GRAP: variants seen among roughly 807,000 people sequenced by gnomAD.
The protein encoded by GRAP is GRB2-related adapter protein.
Under a neutral mutation model 9.1 loss-of-function variants are expected in GRAP, and 2 were observed. The observed-to-expected ratio is 0.22, with a 90% CI of 0.09 to 0.69. The LOEUF is 0.69. Among genes scored for constraint, GRAP ranks in the 30% least tolerant of loss-of-function variants. The probability of loss-of-function intolerance (pLI) is 0.81; values close to 1 mark genes in which losing one functional copy is unlikely to be tolerated. For missense variants in GRAP, 113 were observed against 179.4 expected (o/e 0.63, Z 2.12); for synonymous variants, 68 against 73.6 (o/e 0.92, Z 0.39).
rs1378466915 is a variant in GRAP, at chr17:19,024,451, C to G, written c.300-68G>C. ...CAGCCTGGCATGGTCCCAGGGGCTC[C>G]CGTCTCACTACCACCTGGAACCAGC... is the stretch of plus-strand genomic sequence containing the variant. On this transcript the variant is annotated intron_variant, in intron 3 of 4. Transcript: ENST00000284154. The surrounding 1 kb of genome is among the most constrained non-coding windows in gnomAD (Gnocchi z 4.2). 2 of 1,550,000 alleles carry G rather than the reference C, an allele frequency of 1.3e-6. No homozygotes were observed. Among genetic ancestry groups the G allele is most frequent in the Non-Finnish European group, 8.7e-7 (1 of 1,145,776 alleles).
At chr17:19,022,410 A>G (rs2044279038) in intron 4 of GRAP, 1 of 373,204 alleles carries the variant, frequency 2.7e-6, no homozygotes, top group Non-Finnish European at 4.8e-6. Context: ...CTGGTGGGTC[A>G]GGGGACCTGA....
intron 4 of GRAP, chr17:19,022,645 G>A (rs2152169249): frequency 6.5e-6 from 1 of 153,438 alleles, no homozygotes; most frequent in East Asian, 1.9e-4. Context: ...TCAGGCCTGG[G>A]CTCCACTCCT....
chr17:19,023,631 ACCCCCCACCCCCC>A (rs1597925243), intron 4 of GRAP, among the ~76,000 whole-genome samples: 4 of 61,838 alleles, frequency 6.5e-5, no homozygotes, highest in South Asian at 1.3e-3. Context: ...GATGACCCCG[ACCCCCCACCCCCC>A]ACCCCCCACC....
rs143281137 is a variant in GRAP at position 19,024,235 on chromosome 17, C to T, written c.448G>A (p.Asp150Asn). ...CCTACCTTGAGCAAGGGCTCCTCGT[C>T]GCGCAGGAAGATCTGCCGCTTCTTG... is the stretch of plus-strand genomic sequence containing the variant. ...IAKKRQIFLR[D>N]EEPLLKSPGA... Residue 150 changes from aspartate (D) to asparagine (N), a missense_variant, in exon 4 of 5, where the codon GAC becomes AAC. Coordinates refer to ENST00000284154, the MANE Select transcript of GRAP (RefSeq NM_006613.4). The surrounding 1 kb of genome is among the most constrained non-coding windows in gnomAD (Gnocchi z 4.2). 5.0e-6 allele frequency: 8 copies of T among 1,594,644 alleles called. No homozygotes were observed. Among genetic ancestry groups the T allele is most frequent in the African/African-American group, 2.7e-5 (2 of 74,546 alleles).
At chr17:19,025,170 G>C (rs991171620) in intron 3 of GRAP, among the ~76,000 whole-genome samples, 5 of 150,532 alleles carry the variant, frequency 3.3e-5, no homozygotes, top group Middle Eastern at 3.2e-3. Flanking sequence ...GAGAGAGCCT[G>C]CTCTTTCTTT....
chr17:19,023,535 T>C (rs989533630), intron 4 of GRAP, among the ~76,000 whole-genome samples: 5 of 152,064 alleles, frequency 3.3e-5, no homozygotes, highest in African/African-American at 1.2e-4. Context: ...ATTGTTGGCA[T>C]CCCAATCAGC....
intron 3 of GRAP, chr17:19,032,087 G>A (rs2044342756): frequency 6.9e-6 from 1 of 145,582 alleles, no homozygotes; most frequent in Non-Finnish European, 1.6e-5. Flanking sequence ...ACCGGTGCTG[G>A]CTCGCCTGCT....
Position 19,024,352 on chromosome 17 carries a change from G to A in GRAP, c.331C>T (p.Leu111=), listed in dbSNP as rs746961506. 2.5e-6 allele frequency: 4 copies of A among 1,612,184 alleles called. No individual in the cohort carries two copies. The Admixed American group carries it at 6.7e-5, about 27-fold the overall frequency. Residue 111 remains leucine, a synonymous_variant, in exon 4 of 5, where the codon CTG becomes TTG. Transcript: ENST00000284154. This position sits in a 1 kb window ranked among gnomAD's most constrained non-coding sequence, Gnocchi z 4.2. The part of the protein sequence containing the change: ...YGDQVQHFKV[L]REASGKYFLW... ...AAGTACTTCCCCGAGGCCTCACGCA[G>A]CACCTTGAAGTGCTGCACCTGGTCT...
intron 4 of GRAP, among the ~76,000 whole-genome samples, chr17:19,023,634 C>T (rs2044290216): frequency 8.0e-6 from 1 of 125,072 alleles, no homozygotes; most frequent in East Asian, 3.0e-4. Context: ...GACCCCGACC[C>T]CCCACCCCCC....
intron 3 of GRAP, among the ~76,000 whole-genome samples, chr17:19,027,490 A>G (rs1316844338): frequency 7.0e-6 from 1 of 142,170 alleles, no homozygotes; most frequent in East Asian, 2.3e-4. Flanking sequence ...GCGCGCACAC[A>G]CACACACACA....
At position 19,024,397 on chromosome 17, in the gene GRAP, C is replaced by G. The variant is rs1413978426; in HGVS notation, c.300-14G>C. ...TGGTCTCCATAGCTAGGGGAAAGGA[C>G]CCGGGGCCACCTCAGGTGGTGGCCG... On this transcript the variant is annotated splice_polypyrimidine_tract_variant and intron_variant, in intron 3 of 4. Transcript: ENST00000284154. This position sits in a 1 kb window ranked among gnomAD's most constrained non-coding sequence, Gnocchi z 4.2. The G allele has an allele frequency of 6.2e-6, 10 of 1,606,968 alleles. No individual in the cohort carries two copies. The highest frequency in any genetic ancestry group is 8.5e-6 in the Non-Finnish European group (10 of 1,176,906).
At position 19,024,190 on chromosome 17, in the gene GRAP, C is replaced by A. The variant is rs753186814; in HGVS notation, c.468+25G>T. Reference sequence around the variant, plus strand: ...GGCAGGAGGTGCAGAGAGGCTCCCACAGGCCAGCCCCCACCCGCCCCTACC... The same window carrying A: ...GGCAGGAGGTGCAGAGAGGCTCCCAAAGGCCAGCCCCCACCCGCCCCTACC... On this transcript the variant is annotated intron_variant, in intron 4 of 4. Transcript: ENST00000284154. This position sits in a 1 kb window ranked among gnomAD's most constrained non-coding sequence, Gnocchi z 4.2. 6.4e-7 allele frequency: 1 copy of A among 1,562,004 alleles called. No individual in the cohort carries two copies. The highest frequency in any genetic ancestry group is 1.4e-5 in the African/African-American group (1 of 73,478).
In GRAP at chr17:19,021,663, A is replaced by C. The variant is rs2044266248; in HGVS notation, c.*296T>G. ...ACCTTCCTGGCAGATGGGGCCATTG[A>C]CAAGAGGAGGTGGGCGGGGCCTCCA... On this transcript the variant is annotated 3_prime_UTR_variant, in exon 5 of 5. Coordinates refer to ENST00000284154, the MANE Select transcript of GRAP (RefSeq NM_006613.4). The surrounding 1 kb of genome is among the most constrained non-coding windows in gnomAD (Gnocchi z 4.1). The C allele has an allele frequency of 2.5e-6, 1 of 397,596 alleles. No homozygotes were observed. The highest frequency in any genetic ancestry group is 1.4e-4 in the South Asian group (1 of 7,208). 24.6% of individuals were successfully genotyped at this position (397,596 alleles called of 1,614,324 possible).
At chr17:19,027,476 G>A (rs79973350) in intron 3 of GRAP, among the ~76,000 whole-genome samples, 2,380 of 79,892 alleles carry the variant, frequency 0.03, 77 homozygotes, top group Middle Eastern at 0.18. Context: ...ACATGCGCGC[G>A]CGCGCGCGCA....
intron 4 of GRAP, among the ~76,000 whole-genome samples, chr17:19,023,645 AC>A (rs2044290523): frequency 5.4e-5 from 1 of 18,476 alleles, no homozygotes; most frequent in Non-Finnish European, 1.1e-4. Context: ...CCCACCCCCC[AC>A]CCCCCACCCC....
chr17:19,021,834 C>T lies in GRAP; in HGVS notation c.*125G>A, dbSNP rs1041373889. 8 of 1,000,526 alleles carry T rather than the reference C, an allele frequency of 8.0e-6. No homozygotes were observed. The highest frequency in any genetic ancestry group is 1.1e-5 in the Non-Finnish European group (8 of 753,308). The allele number at this position is 1,000,526 out of a possible 1,614,324, so 62.0% of individuals were successfully genotyped here. The stretch of plus-strand genomic sequence containing the variant: ...AGAGCGGCCGGAGGCAGTTAGGAGC[C>T]CACGTTCAGTCCAAGGCCGTCCACT... On this transcript the variant is annotated 3_prime_UTR_variant, in exon 5 of 5. Coordinates refer to ENST00000284154, the MANE Select transcript of GRAP (RefSeq NM_006613.4). This position sits in a 1 kb window ranked among gnomAD's most constrained non-coding sequence, Gnocchi z 4.1.
chr17:19,030,361 G>T (rs2044331438), intron 3 of GRAP: 4 of 191,390 alleles, frequency 2.1e-5, no homozygotes, highest in Non-Finnish European at 4.0e-5. Flanking sequence ...AGGGCTTGTG[G>T]ACGTGTGGAC....
chr17:19,027,484 G>GCGCGCGCACACGCA (rs1555583245), intron 3 of GRAP, among the ~76,000 whole-genome samples: 1 of 121,114 alleles, frequency 8.3e-6, no homozygotes, highest in African/African-American at 3.1e-5. Flanking sequence ...GCGCGCGCGC[G>GCGCGCGCACACGCA]CACACACACA....
At chr17:19,025,199 T>C (rs1208188679) in intron 3 of GRAP, among the ~76,000 whole-genome samples, 2 of 147,084 alleles carry the variant, frequency 1.4e-5, no homozygotes, top group South Asian at 2.1e-4. Flanking sequence ...CTTTTCTTTT[T>C]TTTTTTTTTT....
Sources: gnomAD v4.1 joint callset for allele counts (sites outside exome capture counted in the v4.1 genomes callset) on GRCh38, gnomAD v4.1.1 for gene constraint, Gnocchi (gnomAD v3.1) non-coding constraint, MANE v1.5 for transcripts, NCBI Gene and HGNC (gene_info 2026-07-23, HGNC 2026-07-21) for gene names.